Variants in IMMP2L observed in about 807,000 individuals in gnomAD.
The protein encoded by IMMP2L is inner mitochondrial membrane peptidase subunit 2.
A neutral mutation model predicts 19.3 loss-of-function variants in IMMP2L; 18 were observed. The observed-to-expected ratio is 0.93, with a 90% CI of 0.64 to 1.38. The LOEUF (loss-of-function observed/expected upper bound fraction) is 1.38, where lower values mean the gene tolerates loss of function less well. Among genes scored for constraint, IMMP2L ranks in the 40% most tolerant of loss-of-function variants. IMMP2L has a pLI of 0.00. For synonymous variants in IMMP2L, 76 were observed against 73.0 expected (o/e 1.04, Z -0.21); for missense variants, 233 against 218.2 (o/e 1.07, Z -0.43).
rs551958500 is a variant in IMMP2L, at chr7:111,329,082, T to C, written c.239+158156A>G. 2.6e-5 allele frequency among the ~76,000 whole-genome samples: 4 copies of C among 151,998 alleles called. No individual in the cohort carries two copies. The South Asian group carries it at 8.3e-4, about 32-fold the overall frequency. On this transcript the variant is annotated intron_variant, in intron 3 of 5. Transcript: ENST00000405709. ...GATCGTCACATCTTTTGAAAAGCTT[T>C]CATGTACAATCATGTTATTCAGTAT...
At chr7:111,328,651 G>T (rs1471938344) in intron 3 of IMMP2L, among the ~76,000 whole-genome samples, 1 of 151,806 alleles carries the variant, frequency 6.6e-6, no homozygotes, top group Non-Finnish European at 1.5e-5. Flanking sequence ...TAGAATAAAT[G>T]CTCATGCCCA....
At chr7:111,491,273 G>C (rs540074449) in intron 2 of IMMP2L, among the ~76,000 whole-genome samples, 1 of 152,100 alleles carries the variant, frequency 6.6e-6, no homozygotes, top group East Asian at 1.9e-4. Flanking sequence ...TAAGGCTTCT[G>C]GTCAGGAGCA....
chr7:111,301,014 A>C (rs1822172393), intron 3 of IMMP2L, among the ~76,000 whole-genome samples: 1 of 152,100 alleles, frequency 6.6e-6, no homozygotes, highest in South Asian at 2.1e-4. Flanking sequence ...GGAAACTGCC[A>C]CACTGTTTTT....
At chr7:111,480,041 T>C (rs1842043489) in intron 3 of IMMP2L, among the ~76,000 whole-genome samples, 1 of 152,094 alleles carries the variant, frequency 6.6e-6, no homozygotes, top group African/African-American at 2.4e-5. Flanking sequence ...TTTATCCTAC[T>C]TTAAAAAATA....
intron 1 of IMMP2L, among the ~76,000 whole-genome samples, chr7:111,540,067 AGCT>A (rs768861633): frequency 5.9e-5 from 9 of 152,324 alleles, no homozygotes; most frequent in Admixed American, 4.6e-4. Flanking sequence ...TGTAAATGCC[AGCT>A]GCTGCTATGT....
chr7:111,495,988 A>G (rs559162467), intron 2 of IMMP2L, among the ~76,000 whole-genome samples: 11 of 152,314 alleles, frequency 7.2e-5, no homozygotes, highest in African/African-American at 2.6e-4. Context: ...TTGAAGAACC[A>G]TTACTTTGAA....
intron 3 of IMMP2L, among the ~76,000 whole-genome samples, chr7:111,464,970 T>A (rs1016952249): frequency 1.5e-4 from 23 of 152,006 alleles, no homozygotes; most frequent in Admixed American, 6.6e-5. Flanking sequence ...GTTCTTGTAT[T>A]TTTAGTAGAG....
At chr7:110,751,276 G>T (rs1034074843) in intron 5 of IMMP2L, among the ~76,000 whole-genome samples, 1 of 151,734 alleles carries the variant, frequency 6.6e-6, no homozygotes, top group Middle Eastern at 3.4e-3. Context: ...TATGATAGAC[G>T]GTTAGAACCA....
chr7:111,392,643 C>A (rs1021211667), intron 3 of IMMP2L, among the ~76,000 whole-genome samples: 1 of 152,094 alleles, frequency 6.6e-6, no homozygotes, highest in African/African-American at 2.4e-5. Flanking sequence ...GAGTTAGCAT[C>A]AGAATTTTTA....
chr7:111,286,400 C>T (rs895743884), intron 3 of IMMP2L, among the ~76,000 whole-genome samples: 4 of 152,082 alleles, frequency 2.6e-5, no homozygotes, highest in African/African-American at 7.2e-5. Context: ...ACTGAGATTG[C>T]GTATTAATGA....
At chr7:111,407,487 T>C (rs914977736) in intron 3 of IMMP2L, among the ~76,000 whole-genome samples, 13 of 151,884 alleles carry the variant, frequency 8.6e-5, no homozygotes, top group African/African-American at 2.7e-4. Flanking sequence ...AAGAACAAAA[T>C]ACAGATACAT....
intron 3 of IMMP2L, among the ~76,000 whole-genome samples, chr7:111,276,742 G>A (rs1176652307): frequency 2.0e-5 from 3 of 150,408 alleles, no homozygotes; most frequent in Non-Finnish European, 4.4e-5. Flanking sequence ...GCAACCAACA[G>A]AGTATGGGAC....
intron 5 of IMMP2L, among the ~76,000 whole-genome samples, chr7:110,860,682 G>T (rs1218597498): frequency 6.6e-6 from 1 of 152,094 alleles, no homozygotes; most frequent in Non-Finnish European, 1.5e-5. Context: ...TATACTGACA[G>T]TTCACAAATT....
At chr7:110,754,305 T>G (rs1187635251) in intron 5 of IMMP2L, among the ~76,000 whole-genome samples, 1 of 152,074 alleles carries the variant, frequency 6.6e-6, no homozygotes, top group Non-Finnish European at 1.5e-5. Context: ...TACAACAAGA[T>G]GAATAATACC....
Position 111,072,252 on chromosome 7 carries a change from G to C in IMMP2L, c.240-108687C>G, listed in dbSNP as rs562767103. 5.3e-4 allele frequency among the ~76,000 whole-genome samples: 81 copies of C among 152,304 alleles called. 2 individuals are homozygous for C. The highest frequency in any genetic ancestry group is 1.8e-3 in the African/African-American group (74 of 41,566). On this transcript the variant is annotated intron_variant, in intron 3 of 5. Transcript: ENST00000405709. ...TCATAATAGTACTTGATTCAGGCAA[G>C]AATCATTGGTGACTGCAAAACTATT... is the stretch of plus-strand genomic sequence containing the variant.
chr7:110,814,072 TG>T (rs955408759), intron 5 of IMMP2L, among the ~76,000 whole-genome samples: 2 of 151,998 alleles, frequency 1.3e-5, no homozygotes, highest in African/African-American at 4.8e-5. Flanking sequence ...TTGATTTGAT[TG>T]GCAGGATTGG....
Position 111,337,556 on chromosome 7 carries a change from CAAAT to C in IMMP2L, c.239+149678_239+149681del, listed in dbSNP as rs141472502. ...ACAGTTGAATGGGCAGGTAGGCTGACAAATAAAAGAATCAACCATTCAGCAAGAT... is the reference window on the plus strand; with the variant it reads ...ACAGTTGAATGGGCAGGTAGGCTGACAAAAGAATCAACCATTCAGCAAGAT... On this transcript the variant is annotated intron_variant, in intron 3 of 5. Coordinates refer to ENST00000405709, the MANE Select transcript of IMMP2L (RefSeq NM_032549.4). Among the ~76,000 whole-genome samples the C allele has an allele frequency of 8.9e-3, 1,354 of 151,842 alleles. 22 individuals are homozygous for C. Among genetic ancestry groups the C allele is most frequent in the African/African-American group, 0.031 (1,289 of 41,426 alleles).
At chr7:111,022,672 T>G (rs1207624895) in intron 3 of IMMP2L, among the ~76,000 whole-genome samples, 1 of 152,150 alleles carries the variant, frequency 6.6e-6, no homozygotes, top group African/African-American at 2.4e-5. Context: ...AAATTTTGGC[T>G]CTTCTCAAGG....
intron 5 of IMMP2L, among the ~76,000 whole-genome samples, chr7:110,751,812 A>AT (rs1251550211): frequency 1.3e-5 from 2 of 152,054 alleles, no homozygotes; most frequent in African/African-American, 4.8e-5. Flanking sequence ...ATGTCATAAG[A>AT]TTTAAAAAAA....
Sources: gnomAD v4.1 joint callset for allele counts (sites outside exome capture counted in the v4.1 genomes callset) on GRCh38, gnomAD v4.1.1 for gene constraint, MANE v1.5 for transcripts, NCBI Gene and HGNC (gene_info 2026-07-23, HGNC 2026-07-21) for gene names.